MARCHF6: variants seen among roughly 807,000 people sequenced by gnomAD.
MARCHF6 encodes membrane associated ring-CH-type finger 6, also known as E3 ubiquitin-protein ligase MARCHF6.
In MARCHF6, 31 loss-of-function variants were observed where a neutral mutation model predicts 133.7. The ratio of observed to expected loss-of-function variants is 0.23; its 90% CI spans 0.17 to 0.31. The LOEUF is 0.31. Ranked by LOEUF, MARCHF6 falls within the 10% of genes least tolerant of loss-of-function variation. The pLI, the probability that MARCHF6 is intolerant of heterozygous loss-of-function variation, is 1.00. For missense variants in MARCHF6, 723 were observed against 1,121.6 expected, an observed-to-expected ratio of 0.64 and a Z score of 5.08; for synonymous variants, 395 against 402.5, an observed-to-expected ratio of 0.98 and a Z score of 0.22.
chr5:10,383,640 T>C (rs1737290470), intron 4 of MARCHF6, among the ~76,000 whole-genome samples: 1 of 152,206 alleles, frequency 6.6e-6, no homozygotes, highest in Non-Finnish European at 1.5e-5. Context: ...GATGTTTCAA[T>C]GGATGTGAGG....
chr5:10,411,370 A>G lies in MARCHF6; in HGVS notation c.1729A>G (p.Asn577Asp). ...HSYLLGDQEE[N>D]ENSANQQVNN... ...TTATTTATTGGGAGACCAGGAAGAA[A>G]ATGAAAACAGTGCAAATCAACAAGT... The change falls in exon 19 of 26, where the codon AAT becomes GAT. Residue 577 changes from asparagine (N) to aspartate (D), a missense_variant. Physicochemically the swap from Asn to Asp is conservative, Grantham distance 23 (BLOSUM62 1). This residue lies in a region of MARCHF6 where 492 missense variants were observed against 699.5 expected (regional missense o/e 0.70). Coordinates refer to ENST00000274140, the MANE Select transcript of MARCHF6 (RefSeq NM_005885.4). The G allele has an allele frequency of 6.2e-7, 1 of 1,614,196 alleles. No homozygotes were observed.
At chr5:10,365,466 A>AATTTTGT (rs1736089536) in intron 1 of MARCHF6, among the ~76,000 whole-genome samples, 1 of 151,870 alleles carries the variant, frequency 6.6e-6, no homozygotes. Flanking sequence ...ACACCTGGCT[A>AATTTTGT]ATTTTGTATT....
Position 10,396,361 on chromosome 5 carries a change from G to A in MARCHF6, c.862-932G>A, listed in dbSNP as rs566010480. Reference sequence around the variant, plus strand: ...GGAGTTTGTCAGCAGGAGATTTTCCGCGAAGATAACAGAGGTTGAAGTATA... The same window carrying A: ...GGAGTTTGTCAGCAGGAGATTTTCCACGAAGATAACAGAGGTTGAAGTATA... On this transcript the variant is annotated intron_variant, in intron 9 of 25. Coordinates refer to ENST00000274140, the MANE Select transcript of MARCHF6 (RefSeq NM_005885.4). Among the ~76,000 whole-genome samples the A allele has an allele frequency of 5.9e-5, 9 of 152,254 alleles. No homozygotes were observed. The South Asian group carries it at 1.2e-3, about 21-fold the overall frequency.
At chr5:10,368,140 T>C (rs1033337378) in intron 1 of MARCHF6, among the ~76,000 whole-genome samples, 1 of 152,212 alleles carries the variant, frequency 6.6e-6, no homozygotes, top group Non-Finnish European at 1.5e-5. Flanking sequence ...GCCTTGTTAC[T>C]CTGTTGAGGT....
intron 10 of MARCHF6, among the ~76,000 whole-genome samples, chr5:10,399,099 T>G (rs944266534): frequency 3.3e-5 from 5 of 152,182 alleles, no homozygotes; most frequent in Non-Finnish European, 7.4e-5. Context: ...GGATGGAAAT[T>G]GATTGTTGCA....
chr5:10,414,398 C>G (rs762355795), intron 19 of MARCHF6, 35 bp from the exon 20 acceptor site: 4 of 1,216,340 alleles, frequency 3.3e-6, no homozygotes, highest in Non-Finnish European at 4.8e-6. Flanking sequence ...AGCACGTGTT[C>G]TCTATTTATG....
chr5:10,394,817 T>TTTA, intron 9 of MARCHF6, 32 bp downstream of exon 9: 1 of 1,276,452 alleles, frequency 7.8e-7, no homozygotes, highest in Non-Finnish European at 1.1e-6. Context: ...TTTTTTTTTT[T>TTTA]GAGACGGAAT....
rs1276861472 is a variant in MARCHF6 at position 10,407,158 on chromosome 5, G to C, written c.1509G>C (p.Lys503Asn). Residue 503 changes from lysine (K) to asparagine (N), a missense_variant, in exon 17 of 26, where the codon AAG (lysine) becomes AAC (asparagine). Physicochemically the swap from Lys to Asn is moderately conservative, Grantham distance 94 (BLOSUM62 0). Transcript: ENST00000274140. ...LMLWLPIRII[K>N]SVLPNFLPYN... is the part of the protein sequence containing the mutation. Reference sequence around the variant, plus strand: ...TTTGGCTTCCTATACGTATAATTAAGAGTGTGCTGCCTAATTTTCTTCCAT... The same window carrying C: ...TTTGGCTTCCTATACGTATAATTAACAGTGTGCTGCCTAATTTTCTTCCAT... 1.2e-6 allele frequency: 2 copies of C among 1,613,188 alleles called. No individual in the cohort carries two copies. Among genetic ancestry groups the C allele is most frequent in the African/African-American group, 2.7e-5 (2 of 74,898 alleles).
Position 10,353,851 on chromosome 5 carries a change from C to G in MARCHF6, c.-48C>G. 1 of 1,541,760 alleles carries G rather than the reference C, an allele frequency of 6.5e-7. No homozygotes were observed. Among genetic ancestry groups the G allele is most frequent in the Non-Finnish European group, 8.7e-7 (1 of 1,145,036 alleles). On this transcript the variant is annotated 5_prime_UTR_variant, in exon 1 of 26. Coordinates refer to ENST00000274140, the MANE Select transcript of MARCHF6 (RefSeq NM_005885.4). ...CCTCTCCCCTCCCTCTTTCCCCGCC[C>G]GGCCGCGGGAGCCTCGTGGCTGCGT... is the stretch of plus-strand genomic sequence containing the variant.
chr5:10,411,661 T>A, intron 19 of MARCHF6, 124 bp downstream of exon 19: 1 of 628,556 alleles, frequency 1.6e-6, no homozygotes, highest in Non-Finnish European at 2.6e-6. Flanking sequence ...CACATTTTAT[T>A]ACCCTCATTA....
chr5:10,386,958 G>T, intron 4 of MARCHF6, 36 bp from the exon 5 acceptor site: 5 of 1,548,840 alleles, frequency 3.2e-6, no homozygotes, highest in Non-Finnish European at 4.5e-6. Flanking sequence ...CATGATGCGA[G>T]TTGTGACTGT....
At chr5:10,373,435 T>A (rs1209733393) in intron 1 of MARCHF6, among the ~76,000 whole-genome samples, 1 of 152,116 alleles carries the variant, frequency 6.6e-6, no homozygotes, top group East Asian at 1.9e-4. Flanking sequence ...TTGCCACTGC[T>A]TTGGTCCTGA....
At position 10,431,628 on chromosome 5, in the gene MARCHF6, T is replaced by TGA. The variant is rs529460584; in HGVS notation, c.2642+1601_2642+1602insAG. ...GTGGGAGGTGCTAAGAGTGAGTGAG[T>TGA]GTGTGTGTGTGTGTGTGTGTGTGAG... On this transcript the variant is annotated intron_variant, in intron 25 of 25. Transcript: ENST00000274140. Among the ~76,000 whole-genome samples the TGA allele has an allele frequency of 4.5e-4, 15 of 33,014 alleles. No individual in the cohort carries two copies. In the East Asian group the frequency reaches 6.3e-3, roughly 14 times the overall value. The allele number at this position is 33,014 out of a possible 152,430, so 21.7% of individuals were successfully genotyped here.
intron 1 of MARCHF6, among the ~76,000 whole-genome samples, chr5:10,374,355 C>T (rs756902654): frequency 4.6e-5 from 7 of 152,074 alleles, no homozygotes; most frequent in African/African-American, 9.7e-5. Flanking sequence ...AACGTGCTGC[C>T]GGGGTCCATT....
chr5:10,420,695 A>G (rs1388978932), intron 22 of MARCHF6, among the ~76,000 whole-genome samples: 1 of 152,230 alleles, frequency 6.6e-6, no homozygotes, highest in African/African-American at 2.4e-5. Context: ...GGAAGACAAA[A>G]GCAAGACCCT....
chr5:10,436,202 A>G lies in MARCHF6; in HGVS notation c.*2518A>G, dbSNP rs1265425843. The G allele has an allele frequency of 6.6e-6, 1 of 152,192 alleles. No individual in the cohort carries two copies. Among genetic ancestry groups the G allele is most frequent in the Non-Finnish European group, 1.5e-5 (1 of 68,018 alleles). 9.4% of individuals were successfully genotyped at this position (152,192 alleles called of 1,614,324 possible). On this transcript the variant is annotated 3_prime_UTR_variant, in exon 26 of 26. Transcript: ENST00000274140. Reference sequence around the variant, plus strand: ...TACAGAATTTTAAATGAATCTTATCAATGTTTTGTAAACAAACAATATGAA... The same window carrying G: ...TACAGAATTTTAAATGAATCTTATCGATGTTTTGTAAACAAACAATATGAA...
chr5:10,414,385 T>C, intron 19 of MARCHF6, 48 bp from the exon 20 acceptor site: 1 of 1,014,362 alleles, frequency 9.9e-7, no homozygotes, highest in African/African-American at 1.6e-5. Context: ...ATAAAATACA[T>C]TGAGCACGTG....
Position 10,368,959 on chromosome 5 carries a change from TA to T in MARCHF6, c.20-8823del, listed in dbSNP as rs112511673. Among the ~76,000 whole-genome samples the T allele has an allele frequency of 9.0e-3, 1,284 of 143,304 alleles. 2 individuals carry two copies. The highest frequency in any genetic ancestry group is 0.018 in the Middle Eastern group (5 of 284). 94.0% of individuals were successfully genotyped at this position (143,304 alleles called of 152,430 possible). A position where few individuals can be genotyped will look rare whatever the true frequency, so the allele number is the denominator to read the frequency against. Reference sequence around the variant, plus strand: ...ATGACAAAGTAAGGCTCTGTTTCTTTAAAAAAAAAAAAAAAATTTCCAATGT... The same window carrying T: ...ATGACAAAGTAAGGCTCTGTTTCTTTAAAAAAAAAAAAAAATTTCCAATGT... On this transcript the variant is annotated intron_variant, in intron 1 of 25. Transcript: ENST00000274140.
chr5:10,418,329 G>A (rs1297196946), intron 22 of MARCHF6, among the ~76,000 whole-genome samples: 1 of 149,870 alleles, frequency 6.7e-6, no homozygotes, highest in Non-Finnish European at 1.5e-5. Flanking sequence ...GCAGTGAGCT[G>A]AGATCATGCT....
Sources: gnomAD v4.1 joint callset for allele counts (sites outside exome capture counted in the v4.1 genomes callset) on GRCh38, gnomAD v4.1.1 for gene constraint, gnomAD v4.1.1 regional missense constraint, MANE v1.5 for transcripts, NCBI Gene and HGNC (gene_info 2026-07-23, HGNC 2026-07-21) for gene names.